EPHB1: variants seen among roughly 807,000 people sequenced by gnomAD.
EPHB1 encodes ephrin type-B receptor 1.
A neutral mutation model predicts 94.4 loss-of-function variants in EPHB1; 30 were observed. The ratio of observed to expected loss-of-function variants is 0.32; its 90% CI spans 0.24 to 0.43. The LOEUF (loss-of-function observed/expected upper bound fraction) is 0.43. Ranked by LOEUF, EPHB1 falls within the 20% of genes least tolerant of loss-of-function variation. The probability of loss-of-function intolerance (pLI) is 1.00; values close to 1 mark genes in which losing one functional copy is unlikely to be tolerated. For synonymous variants in EPHB1, 522 were observed against 489.1 expected, an observed-to-expected ratio of 1.07 and a Z score of -0.89; for missense variants, 1,055 against 1,308.3, an observed-to-expected ratio of 0.81 and a Z score of 2.99.
chr3:134,952,647 A>G (rs1314358905), intron 3 of EPHB1, among the ~76,000 whole-genome samples: 1 of 152,212 alleles, frequency 6.6e-6, no homozygotes, highest in Non-Finnish European at 1.5e-5. Flanking sequence ...GAAGGAGATG[A>G]AACTATTGGA....
At chr3:134,935,069 G>A (rs745913013) in intron 2 of EPHB1, among the ~76,000 whole-genome samples, 2 of 152,164 alleles carry the variant, frequency 1.3e-5, no homozygotes, top group African/African-American at 2.4e-5. Context: ...CCTGAGGACT[G>A]ACTCATTGAT....
At chr3:134,819,890 C>T (rs2036348637) in intron 1 of EPHB1, among the ~76,000 whole-genome samples, 1 of 152,210 alleles carries the variant, frequency 6.6e-6, no homozygotes, top group African/African-American at 2.4e-5. Flanking sequence ...GGGCCCAGCG[C>T]AGGGGACACA....
At chr3:135,188,207 T>A (rs199515328) in intron 10 of EPHB1, among the ~76,000 whole-genome samples, 38,511 of 146,302 alleles carry the variant, frequency 0.26, 5,216 homozygotes, top group East Asian at 0.47. Context: ...AAAAAATAAA[T>A]AAATAAAGGC....
chr3:134,852,664 G>GGT (rs143990053), intron 1 of EPHB1: 83,108 of 149,416 alleles, frequency 0.56, 24,950 homozygotes, highest in East Asian at 0.79. Context: ...GTAAATGTGG[G>GGT]GTGTGTGTGT....
At chr3:135,094,482 G>A (rs1938682051) in intron 3 of EPHB1, among the ~76,000 whole-genome samples, 1 of 152,092 alleles carries the variant, frequency 6.6e-6, no homozygotes, top group African/African-American at 2.4e-5. Context: ...GGGGCCTGTC[G>A]GCTGCCTCCT....
At chr3:134,992,040 C>CG (rs1934824486) in intron 3 of EPHB1, among the ~76,000 whole-genome samples, 1 of 152,172 alleles carries the variant, frequency 6.6e-6, no homozygotes, top group East Asian at 1.9e-4. Context: ...TCAGCCCCCA[C>CG]TTTTTTTTAG....
chr3:135,094,320 C>T (rs1938671388), intron 3 of EPHB1, among the ~76,000 whole-genome samples: 1 of 152,206 alleles, frequency 6.6e-6, no homozygotes, highest in Admixed American at 6.5e-5. Flanking sequence ...CAGTCTCTGC[C>T]CACTGGTCCC....
chr3:134,885,286 A>G (rs1266303019), intron 1 of EPHB1, among the ~76,000 whole-genome samples: 1 of 152,260 alleles, frequency 6.6e-6, no homozygotes, highest in Admixed American at 6.5e-5. Flanking sequence ...AGGTTGAAGA[A>G]TAATGAACAG....
rs143309901 is a variant in EPHB1, at chr3:135,249,358, C to T, written c.2713C>T (p.Arg905Cys). 1.4e-4 allele frequency: 223 copies of T among 1,613,408 alleles called. No homozygotes were observed. In the East Asian group the frequency reaches 4.0e-3, roughly 29 times the overall value. ...TAVPSQPLLD[R>C]SIPDFTAFTT... The stretch of plus-strand genomic sequence containing the variant: ...CAGGCCTTCCCAGCCCCTGCTCGAC[C>T]GCTCCATCCCAGACTTCACGGCCTT... Residue 905 changes from arginine to cysteine, a missense_variant, in exon 15 of 16, where the codon CGC becomes TGC. Arg to Cys is a radical substitution (Grantham distance 180, BLOSUM62 -3). Coordinates refer to ENST00000398015, the MANE Select transcript of EPHB1 (RefSeq NM_004441.5).
intron 4 of EPHB1, among the ~76,000 whole-genome samples, chr3:135,107,226 C>A (rs1939251151): frequency 6.6e-6 from 1 of 152,194 alleles, no homozygotes; most frequent in African/African-American, 2.4e-5. Context: ...GGGACCGGAG[C>A]TAATGCATTG....
At chr3:135,033,218 A>G (rs1211102127) in intron 3 of EPHB1, among the ~76,000 whole-genome samples, 3 of 152,186 alleles carry the variant, frequency 2.0e-5, no homozygotes, top group Admixed American at 2.0e-4. Context: ...CAGTCAGGGT[A>G]GATTCTGGAA....
At chr3:135,020,583 CA>C (rs1225442596) in intron 3 of EPHB1, among the ~76,000 whole-genome samples, 1 of 152,184 alleles carries the variant, frequency 6.6e-6, no homozygotes, top group Non-Finnish European at 1.5e-5. Context: ...AAGGTTGTAG[CA>C]TGTCTCAATA....
intron 10 of EPHB1, among the ~76,000 whole-genome samples, chr3:135,186,339 T>C (rs1942328213): frequency 2.6e-5 from 4 of 152,188 alleles, no homozygotes; most frequent in Admixed American, 1.3e-4. Context: ...GATCAACTAA[T>C]AATGTCTATC....
At chr3:134,850,161 C>T (rs2036951063) in intron 1 of EPHB1, among the ~76,000 whole-genome samples, 2 of 152,240 alleles carry the variant, frequency 1.3e-5, no homozygotes, top group South Asian at 2.1e-4. Context: ...CTCCAATCCT[C>T]TAGGGCTCCT....
chr3:135,253,287 C>T (rs1352647616), intron 15 of EPHB1, among the ~76,000 whole-genome samples: 1 of 151,414 alleles, frequency 6.6e-6, no homozygotes, highest in Admixed American at 6.6e-5. Flanking sequence ...AGTCCTTGCC[C>T]ATGCCTATGT....
intron 3 of EPHB1, among the ~76,000 whole-genome samples, chr3:135,046,479 T>C (rs1172298414): frequency 3.3e-5 from 5 of 152,242 alleles, no homozygotes; most frequent in African/African-American, 1.2e-4. Flanking sequence ...AAATTCCTCT[T>C]GGCCTACAGG....
At position 135,260,206 on chromosome 3, in the gene EPHB1, A is replaced by G. The variant is rs992093870; in HGVS notation, c.*1086A>G. The G allele has an allele frequency of 3.9e-5, 9 of 232,758 alleles. No homozygotes were observed. Among genetic ancestry groups the G allele is most frequent in the African/African-American group, 2.0e-4 (9 of 45,294 alleles). The allele number at this position is 232,758 out of a possible 1,614,324, so 14.4% of individuals were successfully genotyped here. On this transcript the variant is annotated 3_prime_UTR_variant, in exon 16 of 16. Transcript: ENST00000398015. ...TTTCTGGAGAATGTTCTTTCACATC[A>G]CTGGAATCTGCAATTCAAGAAGTGA...
intron 4 of EPHB1, among the ~76,000 whole-genome samples, chr3:135,113,617 C>T (rs1270260785): frequency 6.6e-6 from 1 of 152,210 alleles, no homozygotes; most frequent in Non-Finnish European, 1.5e-5. Flanking sequence ...TTGCCAACAG[C>T]AGTAACCCAT....
At chr3:135,108,901 T>A (rs1939330126) in intron 4 of EPHB1, among the ~76,000 whole-genome samples, 1 of 152,060 alleles carries the variant, frequency 6.6e-6, no homozygotes, top group Admixed American at 6.5e-5. Context: ...ACTCCCTGAA[T>A]AAAGACAGAC....
Sources: gnomAD v4.1 joint callset for allele counts (sites outside exome capture counted in the v4.1 genomes callset) on GRCh38, gnomAD v4.1.1 for gene constraint, MANE v1.5 for transcripts, NCBI Gene and HGNC (gene_info 2026-07-23, HGNC 2026-07-21) for gene names.